The following BMPER variants were observed in gnomAD, a reference collection of about 807,000 sequenced individuals.
The protein encoded by BMPER is BMP-binding endothelial regulator protein.
Under a neutral mutation model 87.3 loss-of-function variants are expected in BMPER, and 45 were observed. The observed-to-expected ratio is 0.52, with a 90% CI of 0.41 to 0.66. The LOEUF is 0.66. BMPER is among the 30% of genes least tolerant of loss of function. The pLI is 0.00. For missense variants in BMPER, 784 were observed against 867.5 expected, an observed-to-expected ratio of 0.90 and a Z score of 1.21; for synonymous variants, 326 against 316.2, an observed-to-expected ratio of 1.03 and a Z score of -0.33.
At chr7:34,057,889 TC>T (rs1342210508) in intron 9 of BMPER, among the ~76,000 whole-genome samples, 169 bp from the exon 10 acceptor site, 2 of 151,902 alleles carry the variant, frequency 1.3e-5, no homozygotes, top group African/African-American at 4.8e-5. Flanking sequence ...TCTTCACTAA[TC>T]TTTATCTTAA....
intron 6 of BMPER, among the ~76,000 whole-genome samples, chr7:33,993,652 TTGCTGGTGAGGAGC>T (rs1786301719): frequency 6.6e-6 from 1 of 152,122 alleles, no homozygotes; most frequent in Non-Finnish European, 1.5e-5. Context: ...CTTTGTTCCG[TTGCTGGTGAGGAGC>T]TGCGTTCCTT....
chr7:34,143,393 A>C (rs1790927226), intron 14 of BMPER, 33 bp downstream of exon 14: 1 of 1,612,972 alleles, frequency 6.2e-7, no homozygotes, highest in Non-Finnish European at 8.5e-7. Flanking sequence ...ACCCATCAAA[A>C]GTTTACTGCA....
At chr7:34,118,944 C>T (rs1404704651) in intron 13 of BMPER, among the ~76,000 whole-genome samples, 1 of 151,776 alleles carries the variant, frequency 6.6e-6, no homozygotes, top group Non-Finnish European at 1.5e-5. Context: ...TTTACCAGCC[C>T]CCACAATGTT....
chr7:34,103,378 G>A lies in BMPER; in HGVS notation c.1745+17286G>A, dbSNP rs186368091. ...TCACCAGGCATCACATTTATCAGTA[G>A]AATCTAGATGTTTCCCGTAACCATA... On this transcript the variant is annotated intron_variant, in intron 13 of 14. Transcript: ENST00000649409. 9.6e-4 allele frequency among the ~76,000 whole-genome samples: 146 copies of A among 152,298 alleles called. 1 individual carries two copies. Among genetic ancestry groups the A allele is most frequent in the Middle Eastern group, 6.8e-3 (2 of 294 alleles).
chr7:34,038,784 T>G (rs1391380317), intron 6 of BMPER, among the ~76,000 whole-genome samples: 1 of 152,204 alleles, frequency 6.6e-6, no homozygotes, highest in South Asian at 2.1e-4. Context: ...TTCATCGAGC[T>G]TTGCTGACAT....
At chr7:33,989,493 T>C (rs2127924383) in intron 6 of BMPER, among the ~76,000 whole-genome samples, 1 of 152,326 alleles carries the variant, frequency 6.6e-6, no homozygotes, top group Admixed American at 6.5e-5. Context: ...TTGTTTGAGT[T>C]CATTGTAGAT....
intron 13 of BMPER, among the ~76,000 whole-genome samples, chr7:34,133,648 A>G (rs988672342): frequency 6.6e-6 from 1 of 152,258 alleles, no homozygotes; most frequent in African/African-American, 2.4e-5. Context: ...ACAGGCCACA[A>G]CCTGGGACTG....
intron 3 of BMPER, among the ~76,000 whole-genome samples, chr7:33,956,977 A>C (rs746967003): frequency 2.6e-5 from 4 of 152,160 alleles, no homozygotes; most frequent in Non-Finnish European, 5.9e-5. Flanking sequence ...TCTCTCATAC[A>C]TTGCTGGTGA....
intron 3 of BMPER, among the ~76,000 whole-genome samples, chr7:33,941,022 A>G (rs187168575): frequency 3.4e-3 from 463 of 134,828 alleles, no homozygotes; most frequent in African/African-American, 0.012. Flanking sequence ...ATATATTTAC[A>G]TATAATTTAT....
intron 6 of BMPER, among the ~76,000 whole-genome samples, chr7:34,024,385 ATATAT>A (rs1787295243): frequency 4.8e-3 from 18 of 3,744 alleles, no homozygotes; most frequent in South Asian, 0.016. Context: ...AAAAAAAACA[ATATAT>A]ATATATATAT....
chr7:33,925,067 C>G (rs1052360964), intron 2 of BMPER, among the ~76,000 whole-genome samples: 1 of 152,190 alleles, frequency 6.6e-6, no homozygotes, highest in Non-Finnish European at 1.5e-5. Context: ...CCCATGAGAT[C>G]ATGCGTGGGT....
intron 13 of BMPER, among the ~76,000 whole-genome samples, chr7:34,120,435 G>C (rs892593888): frequency 6.6e-6 from 1 of 151,250 alleles, no homozygotes. Context: ...TTTTGCTCTC[G>C]TTGCCCAGAC....
chr7:34,118,975 CTCTCTCTCTCTCTCTCTCACTG>C (rs1790187165), intron 13 of BMPER, among the ~76,000 whole-genome samples: 1 of 141,866 alleles, frequency 7.0e-6, no homozygotes, highest in African/African-American at 2.7e-5. Context: ...TCCTTAAAAT[CTCTCTCTCTCTCTCTCTCACTG>C]TCTCTCTCTC....
chr7:34,028,682 C>T (rs2127949967), intron 6 of BMPER, among the ~76,000 whole-genome samples: 1 of 127,368 alleles, frequency 7.9e-6, no homozygotes, highest in South Asian at 2.6e-4. Flanking sequence ...CCAGAAATGT[C>T]CGTAAGATGT....
intron 2 of BMPER, among the ~76,000 whole-genome samples, chr7:33,907,702 T>C (rs1445990947): frequency 6.6e-6 from 1 of 152,208 alleles, no homozygotes; most frequent in African/African-American, 2.4e-5. Context: ...TACATGCCAA[T>C]CACTTTTGGC....
At position 34,046,483 on chromosome 7, in the gene BMPER, T is replaced by C. The variant is rs949423370; in HGVS notation, c.676+78T>C. ...TGCTGGGAGTGTTTATCCACGTTGT[T>C]GTTTTGAGATTCTCAAGTTGTCCTA... On this transcript the variant is annotated intron_variant, in intron 7 of 14. Coordinates refer to ENST00000649409, the MANE Select transcript of BMPER (RefSeq NM_001365308.1). 2.8e-6 allele frequency: 4 copies of C among 1,438,700 alleles called. No homozygotes were observed. In the African/African-American group the frequency reaches 5.6e-5, roughly 20 times the overall value. 89.1% of individuals were successfully genotyped at this position (1,438,700 alleles called of 1,614,324 possible).
rs116508009 is a variant in BMPER at position 33,966,323 on chromosome 7, G to C, written c.320-156G>C. Among the ~76,000 whole-genome samples the C allele has an allele frequency of 1.7e-3, 263 of 152,290 alleles. 2 individuals carry two copies. Among genetic ancestry groups the C allele is most frequent in the African/African-American group, 5.9e-3 (247 of 41,560 alleles). The stretch of plus-strand genomic sequence containing the variant: ...TGAATGTCAAGTGGATACTTAGAAG[G>C]CTTAGTTGTGTTTTGGGGAAAAATA... On this transcript the variant is annotated intron_variant, in intron 3 of 14. Transcript: ENST00000649409.
At chr7:33,932,903 C>T (rs1016060596) in intron 2 of BMPER, among the ~76,000 whole-genome samples, 5 of 152,224 alleles carry the variant, frequency 3.3e-5, no homozygotes, top group Non-Finnish European at 5.9e-5. Flanking sequence ...GAACGTTTCA[C>T]AGCGGTGCTC....
chr7:33,917,022 A>G lies in BMPER; in HGVS notation c.219+10119A>G, dbSNP rs181007092. Among the ~76,000 whole-genome samples the G allele has an allele frequency of 5.5e-3, 839 of 152,336 alleles. 6 individuals carry two copies. Among genetic ancestry groups the G allele is most frequent in the African/African-American group, 0.017 (718 of 41,576 alleles). ...TAATCACATTTGAAAATATAAGATCATATTGATATTTACATCTGCTCTTAT... is the reference window on the plus strand; with the variant it reads ...TAATCACATTTGAAAATATAAGATCGTATTGATATTTACATCTGCTCTTAT... On this transcript the variant is annotated intron_variant, in intron 2 of 14. Coordinates refer to ENST00000649409, the MANE Select transcript of BMPER (RefSeq NM_001365308.1).
Sources: gnomAD v4.1 joint callset for allele counts (sites outside exome capture counted in the v4.1 genomes callset) on GRCh38, gnomAD v4.1.1 for gene constraint, MANE v1.5 for transcripts, NCBI Gene and HGNC (gene_info 2026-07-23, HGNC 2026-07-21) for gene names.